The following MAOA variants were observed in gnomAD, a reference collection of about 807,000 sequenced individuals.
The protein encoded by MAOA is amine oxidase [flavin-containing] A.
Under a neutral mutation model 42.0 loss-of-function variants are expected in MAOA, and 6 were observed. The ratio of observed to expected loss-of-function variants is 0.14; its 90% CI spans 0.08 to 0.28. MAOA has a LOEUF of 0.28. Ranked by LOEUF, MAOA falls within the 10% of genes least tolerant of loss-of-function variation. The probability of loss-of-function intolerance (pLI) is 1.00; values close to 1 mark genes in which losing one functional copy is unlikely to be tolerated. For synonymous variants in MAOA, 140 were observed against 154.0 expected, an observed-to-expected ratio of 0.91 and a Z score of 0.67; for missense variants, 262 against 422.3, an observed-to-expected ratio of 0.62 and a Z score of 3.33.
chrX:43,718,987 G>T (rs1413191786), intron 5 of MAOA, among the ~76,000 whole-genome samples: 1 of 110,924 alleles, frequency 9.0e-6, no homozygotes, highest in Non-Finnish European at 1.9e-5. Flanking sequence ...GGGACACAGG[G>T]TGGATTGTGT....
intron 5 of MAOA, among the ~76,000 whole-genome samples, chrX:43,724,262 C>T (rs2070975542): frequency 9.0e-6 from 1 of 111,464 alleles, no homozygotes; most frequent in African/African-American, 3.3e-5. Flanking sequence ...ATGGTACCAG[C>T]TCCTCCTTGT....
chrX:43,744,869 A>G lies in MAOA; in HGVS notation c.*356A>G, dbSNP rs2033987739. ...CAAAATACATGATGATTTCAGAAAC[A>G]AAGCATTTGACTTTCTGTCTGTGGA... On this transcript the variant is annotated 3_prime_UTR_variant, in exon 15 of 15. Coordinates refer to ENST00000338702, the MANE Select transcript of MAOA (RefSeq NM_000240.4). 3.9e-6 allele frequency: 1 copy of G among 258,764 alleles called. No homozygotes were observed. The highest frequency in any genetic ancestry group is 7.1e-6 in the Non-Finnish European group (1 of 141,724). The allele number at this position is 258,764 out of a possible 1,213,427, so 21.3% of individuals were successfully genotyped here.
At chrX:43,712,096 T>C (rs1270578932) in intron 4 of MAOA, 120 bp downstream of exon 4, 26 of 569,416 alleles carry the variant, frequency 4.6e-5, no homozygotes, top group Non-Finnish European at 7.1e-5. Flanking sequence ...ATTTCCCATG[T>C]ACCCAAACTG....
chrX:43,717,667 G>A (rs930222573), intron 5 of MAOA, among the ~76,000 whole-genome samples: 1 of 110,942 alleles, frequency 9.0e-6, no homozygotes, highest in African/African-American at 3.3e-5. Flanking sequence ...CACACTGGTG[G>A]GGTTGTGGGG....
chrX:43,685,029 C>T (rs747125372), intron 2 of MAOA, among the ~76,000 whole-genome samples: 1 of 108,435 alleles, frequency 9.2e-6, no homozygotes, highest in Admixed American at 9.9e-5. Context: ...AGGCACCCCC[C>T]CCACCACGCC....
At chrX:43,672,009 A>T (rs2033341040) in intron 1 of MAOA, among the ~76,000 whole-genome samples, 4 of 111,218 alleles carry the variant, frequency 3.6e-5, no homozygotes, top group African/African-American at 9.8e-5. Context: ...TGGGGATGCC[A>T]TTGAATCTAT....
intron 9 of MAOA, among the ~76,000 whole-genome samples, chrX:43,733,246 C>T (rs776897330): frequency 8.0e-5 from 9 of 112,253 alleles, no homozygotes; most frequent in African/African-American, 2.9e-4. Context: ...TAGTTGTTAC[C>T]CTGAGATATA....
intron 2 of MAOA, among the ~76,000 whole-genome samples, chrX:43,691,727 G>A (rs1022957448): frequency 9.0e-6 from 1 of 111,359 alleles, no homozygotes; most frequent in Non-Finnish European, 1.9e-5. Flanking sequence ...AAAAAAGTAT[G>A]ATCACTAAGG....
At chrX:43,675,176 T>C (rs1329936139) in intron 1 of MAOA, among the ~76,000 whole-genome samples, 1 of 111,579 alleles carries the variant, frequency 9.0e-6, no homozygotes, top group Non-Finnish European at 1.9e-5. Context: ...CCCTTCTCGC[T>C]TCATTTCATT....
chrX:43,691,226 A>G (rs753553322), intron 2 of MAOA, among the ~76,000 whole-genome samples: 1 of 110,748 alleles, frequency 9.0e-6, no homozygotes, highest in South Asian at 3.9e-4. Flanking sequence ...TACAAAAATT[A>G]GCTGAGTGTG....
At chrX:43,687,156 A>G (rs2033494019) in intron 2 of MAOA, among the ~76,000 whole-genome samples, 1 of 112,101 alleles carries the variant, frequency 8.9e-6, no homozygotes, top group South Asian at 3.7e-4. Flanking sequence ...AAGGCTGAGT[A>G]GTGAGATCTA....
In MAOA at chrX:43,731,373, A is replaced by C; in HGVS notation, c.778A>C (p.Asn260His). The change falls in exon 7 of 15, where the codon AAC (asparagine) becomes CAC (histidine). Residue 260 changes from asparagine (N) to histidine (H), a missense_variant. Physicochemically the swap from Asn to His is moderately conservative, Grantham distance 68 (BLOSUM62 1). Coordinates refer to ENST00000338702, the MANE Select transcript of MAOA (RefSeq NM_000240.4). Reference sequence around the variant, plus strand: ...TGACAACATCATCATAGAGACGCTGAACCATGAACATTATGAGGTAACTCA... The same window carrying C: ...TGACAACATCATCATAGAGACGCTGCACCATGAACATTATGAGGTAACTCA... ...SSDNIIIETLNHEHYECKYVI... is the reference protein window; with the variant it reads ...SSDNIIIETLHHEHYECKYVI... The C allele has an allele frequency of 1.7e-6, 2 of 1,210,402 alleles. No homozygotes were observed. The highest frequency in any genetic ancestry group is 1.8e-5 in the South Asian group (1 of 56,963).
chrX:43,703,058 A>AT (rs781388491), intron 3 of MAOA, among the ~76,000 whole-genome samples: 26 of 106,474 alleles, frequency 2.4e-4, no homozygotes, highest in Non-Finnish European at 4.3e-4. Flanking sequence ...TAATCTGTAG[A>AT]TTAAAAAAAA....
Position 43,744,162 on chromosome X carries a change from T to G in MAOA, c.1428T>G (p.Pro476=), listed in dbSNP as rs1344706480. 6.6e-6 allele frequency: 8 copies of G among 1,207,716 alleles called. No homozygotes were observed. Among genetic ancestry groups the G allele is most frequent in the African/African-American group, 1.7e-5 (1 of 57,653 alleles). ...VTEKDIWVQE[P]ESKDVPAVEI... ...AGAAAGATATCTGGGTACAAGAACC[T>G]GAATCAAAGGTAAGTTTGGTGACTC... Residue 476 remains proline, a synonymous_variant, in exon 14 of 15, where the codon CCT becomes CCG. Coordinates refer to ENST00000338702, the MANE Select transcript of MAOA (RefSeq NM_000240.4).
chrX:43,666,165 G>A (rs2033275998), intron 1 of MAOA, among the ~76,000 whole-genome samples: 1 of 111,997 alleles, frequency 8.9e-6, no homozygotes, highest in African/African-American at 3.2e-5. Context: ...TTTGGGCACT[G>A]CAACGTGCAG....
At chrX:43,686,607 T>G (rs982946154) in intron 2 of MAOA, among the ~76,000 whole-genome samples, 13 of 111,633 alleles carry the variant, frequency 1.2e-4, no homozygotes, top group African/African-American at 3.9e-4. Context: ...GAGAACAGCC[T>G]GGGAAACATG....
chrX:43,691,943 A>G (rs930610829), intron 2 of MAOA, among the ~76,000 whole-genome samples: 1 of 109,916 alleles, frequency 9.1e-6, no homozygotes, highest in South Asian at 4.0e-4. Flanking sequence ...TTCTGGAAAT[A>G]GCAGATTAGG....
chrX:43,706,811 C>CA lies in MAOA; in HGVS notation c.307-5053dup, dbSNP rs201731310. 8.3e-3 allele frequency among the ~76,000 whole-genome samples: 903 copies of CA among 109,177 alleles called. 10 individuals are homozygous for CA. Among genetic ancestry groups the CA allele is most frequent in the African/African-American group, 0.028 (825 of 29,908 alleles). 94.8% of individuals were successfully genotyped at this position (109,177 alleles called of 115,157 possible). A position where few individuals can be genotyped will look rare whatever the true frequency, so the allele number is the denominator to read the frequency against. On this transcript the variant is annotated intron_variant, in intron 3 of 14. Coordinates refer to ENST00000338702, the MANE Select transcript of MAOA (RefSeq NM_000240.4). Reference sequence around the variant, plus strand: ...CCTGGGTGACAGAGAAAGATCCTGTCAAAAAAAACAAATAAAACCCTTCAT... The same window carrying CA: ...CCTGGGTGACAGAGAAAGATCCTGTCAAAAAAAAACAAATAAAACCCTTCAT...
At chrX:43,711,761 G>A (rs1444100587) in intron 3 of MAOA, 111 bp from the exon 4 acceptor site, 2 of 560,283 alleles carry the variant, frequency 3.6e-6, no homozygotes, top group African/African-American at 4.5e-5. Context: ...ACAGTAGAGG[G>A]TCTGGTTACT....
Sources: allele counts gnomAD v4.1 joint callset (sites outside exome capture counted in the v4.1 genomes callset), GRCh38; gene constraint gnomAD v4.1.1; transcripts MANE v1.5; gene names NCBI Gene and HGNC (gene_info 2026-07-23, HGNC 2026-07-21).